HOMEZ: variants seen among roughly 807,000 people sequenced by gnomAD.
The protein encoded by HOMEZ is homeobox and leucine zipper protein Homez.
HOMEZ carries 20 observed loss-of-function variants against 50.1 expected under a neutral mutation model. The observed-to-expected ratio is 0.40, with a 90% CI of 0.28 to 0.58. HOMEZ has a LOEUF of 0.58. HOMEZ is among the 20% of genes least tolerant of loss of function. HOMEZ has a pLI of 0.46. For synonymous variants in HOMEZ, 239 were observed against 254.7 expected, an observed-to-expected ratio of 0.94 and a Z score of 0.59; for missense variants, 579 against 680.5, an observed-to-expected ratio of 0.85 and a Z score of 1.66.
chr14:23,276,849 C>T lies in HOMEZ; in HGVS notation c.379G>A (p.Val127Ile). 1 of 1,614,048 alleles carries T rather than the reference C, an allele frequency of 6.2e-7. No individual in the cohort carries two copies. The highest frequency in any genetic ancestry group is 8.5e-7 in the Non-Finnish European group (1 of 1,179,896). ...EEIEETRARV[V>I]YRRDQLHFKS... ...AAATGGAGTTGGTCCCGACGGTAGACTACTCGGGCTCGAGTCTCTTCTATT... is the reference window on the plus strand; with the variant it reads ...AAATGGAGTTGGTCCCGACGGTAGATTACTCGGGCTCGAGTCTCTTCTATT... Residue 127 changes from valine (V) to isoleucine (I), a missense_variant, in exon 2 of 2, where the codon GTC becomes ATC. Val to Ile is a conservative substitution (Grantham distance 29, BLOSUM62 3). Transcript: ENST00000357460. This position sits in a 1 kb window ranked among gnomAD's most constrained non-coding sequence, Gnocchi z 4.1.
intron 1 of HOMEZ, among the ~76,000 whole-genome samples, chr14:23,280,912 T>A (rs891480669): frequency 2.6e-5 from 4 of 151,438 alleles, no homozygotes; most frequent in African/African-American, 9.7e-5. Flanking sequence ...TAGCTAGGAC[T>A]ACAGGCGCAC....
At chr14:23,283,671 G>C (rs1886603453) in intron 1 of HOMEZ, among the ~76,000 whole-genome samples, 1 of 152,060 alleles carries the variant, frequency 6.6e-6, no homozygotes. Context: ...GAGGCGGGAG[G>C]ATCACTTGAG....
chr14:23,280,768 A>ATTTTCTTTTC (rs1231985494), intron 1 of HOMEZ, among the ~76,000 whole-genome samples: 1 of 93,720 alleles, frequency 1.1e-5, no homozygotes, highest in Non-Finnish European at 2.4e-5. Flanking sequence ...ATTTTATTTT[A>ATTTTCTTTTC]TTTTATTTTA....
rs186314970 is a variant in HOMEZ, at chr14:23,276,221, C to T, written c.1007G>A (p.Arg336Gln). The T allele has an allele frequency of 3.0e-3, 4,917 of 1,613,914 alleles. 27 individuals are homozygous for T. The highest frequency in any genetic ancestry group is 2.5e-3 in the Non-Finnish European group (2,981 of 1,179,878). ...AACTCTACCTGGTACTGAGTTATGCCGTAGCCCTTGGGGCCAGGCTGGTTC... is the reference window on the plus strand; with the variant it reads ...AACTCTACCTGGTACTGAGTTATGCTGTAGCCCTTGGGGCCAGGCTGGTTC... ...HLEPAWPQGLRHNSVPGRVGP... is the reference protein window; with the variant it reads ...HLEPAWPQGLQHNSVPGRVGP... The change falls in exon 2 of 2, where the codon CGG (arginine) becomes CAG (glutamine). Residue 336 changes from arginine to glutamine, a missense_variant. By Grantham distance (43) the Arg-to-Gln change is conservative. Coordinates refer to ENST00000357460, the MANE Select transcript of HOMEZ (RefSeq NM_020834.3). The surrounding 1 kb of genome is among the most constrained non-coding windows in gnomAD (Gnocchi z 4.1).
intron 1 of HOMEZ, among the ~76,000 whole-genome samples, chr14:23,277,404 A>G (rs1886390826): frequency 1.3e-5 from 2 of 152,218 alleles, no homozygotes; most frequent in Admixed American, 6.5e-5. Flanking sequence ...ACCAAAGTCC[A>G]TAGACGTTAA....
chr14:23,280,705 T>TCA (rs1164601389), intron 1 of HOMEZ, among the ~76,000 whole-genome samples: 4 of 59,744 alleles, frequency 6.7e-5, no homozygotes, highest in Non-Finnish European at 1.5e-4. Context: ...ATTTTTATAT[T>TCA]TTTATTTTTA....
chr14:23,280,704 TTTTTA>T (rs1354854463), intron 1 of HOMEZ, among the ~76,000 whole-genome samples: 3 of 86,542 alleles, frequency 3.5e-5, no homozygotes, highest in East Asian at 3.8e-4. Context: ...TATTTTTATA[TTTTTA>T]TTTTTATTTT....
At position 23,277,072 on chromosome 14, in the gene HOMEZ, C is replaced by T. The variant is rs1022255787; in HGVS notation, c.156G>A (p.Gln52=). 6.2e-7 allele frequency: 1 copy of T among 1,614,022 alleles called. No homozygotes were observed. ...ICLPPISEEL[Q]LVWTQAAQTS... ...TCTGGGCTGCTTGCGTCCACACAAG[C>T]TGTAGCTCCTCAGAGATTGGAGGGA... The change falls in exon 2 of 2, where the codon CAG becomes CAA. Residue 52 remains glutamine (Q), a synonymous_variant. Coordinates refer to ENST00000357460, the MANE Select transcript of HOMEZ (RefSeq NM_020834.3).
Position 23,272,696 on chromosome 14 carries a change from G to T in HOMEZ, c.*2879C>A, listed in dbSNP as rs1886195765. 1.4e-6 allele frequency: 1 copy of T among 689,812 alleles called. No individual in the cohort carries two copies. The highest frequency in any genetic ancestry group is 1.8e-5 in the African/African-American group (1 of 55,650). The allele number at this position is 689,812 out of a possible 1,614,324, so 42.7% of individuals were successfully genotyped here. On this transcript the variant is annotated 3_prime_UTR_variant, in exon 2 of 2. Coordinates refer to ENST00000357460, the MANE Select transcript of HOMEZ (RefSeq NM_020834.3). ...GAAAAGTTAGTTATCATGCAATGAAGAAAACTATGGGGAAGCAAAAGCAGT... is the reference window on the plus strand; with the variant it reads ...GAAAAGTTAGTTATCATGCAATGAATAAAACTATGGGGAAGCAAAAGCAGT...
At chr14:23,285,404 T>G (rs1886636560) in intron 1 of HOMEZ, 1 of 152,278 alleles carries the variant, frequency 6.6e-6, no homozygotes, top group Non-Finnish European at 1.5e-5. Context: ...TCTCTTAGTA[T>G]GGCTGGGTAC....
intron 1 of HOMEZ, 55 bp downstream of exon 1, chr14:23,285,858 T>G (rs2140511259): frequency 9.8e-7 from 1 of 1,025,186 alleles, no homozygotes; most frequent in East Asian, 3.2e-5. Context: ...GCTCCAGAGG[T>G]GGGAGACCGT....
chr14:23,276,562 A>G lies in HOMEZ; in HGVS notation c.666T>C (p.His222=). 6.2e-7 allele frequency: 1 copy of G among 1,613,976 alleles called. No homozygotes were observed. The highest frequency in any genetic ancestry group is 8.5e-7 in the Non-Finnish European group (1 of 1,179,870). Residue 222 remains histidine, a synonymous_variant, in exon 2 of 2, where the codon CAT becomes CAC. Coordinates refer to ENST00000357460, the MANE Select transcript of HOMEZ (RefSeq NM_020834.3). This position sits in a 1 kb window ranked among gnomAD's most constrained non-coding sequence, Gnocchi z 4.1. ...AFPYQSDFWQ[H]LQSSGLSKEQ... ...CCTTTGAGAGGCCACTGCTTTGAAG[A>G]TGTTGCCAAAAATCTGATTGGTAGG...
intron 1 of HOMEZ, among the ~76,000 whole-genome samples, chr14:23,281,126 A>G (rs374299565): frequency 7.2e-5 from 11 of 152,266 alleles, no homozygotes; most frequent in African/African-American, 2.6e-4. Context: ...CAGGATTCCT[A>G]TGTAAATGCT....
At position 23,272,878 on chromosome 14, in the gene HOMEZ, C is replaced by G; in HGVS notation, c.*2697G>C. 6.5e-7 allele frequency: 1 copy of G among 1,541,242 alleles called. No homozygotes were observed. Among genetic ancestry groups the G allele is most frequent in the Non-Finnish European group, 8.8e-7 (1 of 1,139,692 alleles). The stretch of plus-strand genomic sequence containing the variant: ...TTACCCAGTGGGAGAGAAGCATGGA[C>G]CACTTCTAGATAGATCATCTTCAAG... On this transcript the variant is annotated 3_prime_UTR_variant, in exon 2 of 2. Coordinates refer to ENST00000357460, the MANE Select transcript of HOMEZ (RefSeq NM_020834.3).
In HOMEZ at chr14:23,272,994, T is replaced by C; in HGVS notation, c.*2581A>G. The C allele has an allele frequency of 1.5e-6, 1 of 659,906 alleles. No homozygotes were observed. The highest frequency in any genetic ancestry group is 2.0e-5 in the South Asian group (1 of 50,314). The allele number at this position is 659,906 out of a possible 1,614,324, so 40.9% of individuals were successfully genotyped here. A position where few individuals can be genotyped will look rare whatever the true frequency, so the allele number is the denominator to read the frequency against. On this transcript the variant is annotated 3_prime_UTR_variant, in exon 2 of 2. Transcript: ENST00000357460. ...CTGGAAAATGTATCCCTGCATTGTT[T>C]CCTAGTTTCACTCTGTACCTTATGC... is the stretch of plus-strand genomic sequence containing the variant.
chr14:23,284,799 G>A (rs1168193347), intron 1 of HOMEZ, among the ~76,000 whole-genome samples: 1 of 152,190 alleles, frequency 6.6e-6, no homozygotes, highest in Non-Finnish European at 1.5e-5. Context: ...TCTGCACTCA[G>A]AAGTGTCTAA....
At position 23,272,935 on chromosome 14, in the gene HOMEZ, C is replaced by CCCTAATGCGTACA; in HGVS notation, c.*2639_*2640insTGTACGCATTAGG. The CCCTAATGCGTACA allele has an allele frequency of 1.7e-6, 2 of 1,188,174 alleles. No individual in the cohort carries two copies. Among genetic ancestry groups the CCCTAATGCGTACA allele is most frequent in the South Asian group, 2.9e-5 (2 of 68,050 alleles). 73.6% of individuals were successfully genotyped at this position (1,188,174 alleles called of 1,614,324 possible). On this transcript the variant is annotated 3_prime_UTR_variant, in exon 2 of 2. Coordinates refer to ENST00000357460, the MANE Select transcript of HOMEZ (RefSeq NM_020834.3). ...TCTATACATGCTGCTGAAGGATGGACTGTAGCTTCCAGTACGCATTAGGGG... is the reference window on the plus strand; with the variant it reads ...TCTATACATGCTGCTGAAGGATGGACCCTAATGCGTACATGTAGCTTCCAGTACGCATTAGGGG...
At chr14:23,278,768 T>G (rs1338685126) in intron 1 of HOMEZ, among the ~76,000 whole-genome samples, 4 of 152,054 alleles carry the variant, frequency 2.6e-5, no homozygotes, top group Non-Finnish European at 5.9e-5. Flanking sequence ...CTCCGCCTCC[T>G]GGGTTCAAGT....
At chr14:23,280,740 A>ATTTTATTTTATTTTT (rs35341745) in intron 1 of HOMEZ, among the ~76,000 whole-genome samples, 3 of 41,264 alleles carry the variant, frequency 7.3e-5, no homozygotes, top group Admixed American at 3.6e-4. Flanking sequence ...ATTTTATTTT[A>ATTTTATTTTATTTTT]TTATTTTATT....
Sources: gnomAD v4.1 joint callset for allele counts (sites outside exome capture counted in the v4.1 genomes callset) on GRCh38, gnomAD v4.1.1 for gene constraint, Gnocchi (gnomAD v3.1) non-coding constraint, MANE v1.5 for transcripts, NCBI Gene and HGNC (gene_info 2026-07-23, HGNC 2026-07-21) for gene names.